GGT5: variants seen among roughly 807,000 people sequenced by gnomAD.
GGT5 encodes gamma-glutamyltransferase 5, also known as glutathione hydrolase 5 proenzyme.
A neutral mutation model predicts 58.1 loss-of-function variants in GGT5; 50 were observed. The ratio of observed to expected loss-of-function variants is 0.86; its 90% confidence interval spans 0.69 to 1.09. GGT5 has a LOEUF of 1.09. Among genes scored for constraint, GGT5 ranks in the 50% least tolerant of loss-of-function variants. The pLI is 0.00. For missense variants in GGT5, 800 were observed against 789.4 expected, an observed-to-expected ratio of 1.01 and a Z score of -0.16; for synonymous variants, 370 against 346.1, an observed-to-expected ratio of 1.07 and a Z score of -0.77.
In GGT5 at chr22:24,233,868, GC is replaced by G; in HGVS notation, c.304+5del. On this transcript the variant is annotated splice_donor_5th_base_variant and intron_variant, in intron 2 of 11. Coordinates refer to ENST00000327365, the MANE Select transcript of GGT5 (RefSeq NM_004121.5). ...CTTCCCCATGGCAGTTCACATGTGG[GC>G]CCACCTGTTGTCACATTGTAGATGG... 1 of 1,612,768 alleles carries G rather than the reference GC, an allele frequency of 6.2e-7. No homozygotes were observed.
At chr22:24,232,644 A>C (rs540420716) in intron 4 of GGT5, among the ~76,000 whole-genome samples, 179 bp downstream of exon 4, 4 of 152,180 alleles carry the variant, frequency 2.6e-5, no homozygotes, top group African/African-American at 9.6e-5. Flanking sequence ...GCCTAACCCC[A>C]AGTTAGGCTC....
At chr22:24,224,895 C>A in intron 11 of GGT5, 101 bp downstream of exon 11, 1 of 763,346 alleles carries the variant, frequency 1.3e-6, no homozygotes, top group Non-Finnish European at 2.2e-6. Context: ...TGTACCTGGC[C>A]TAAGAATCTC....
chr22:24,239,586 G>A (rs1184979638), intron 1 of GGT5, among the ~76,000 whole-genome samples: 4 of 151,786 alleles, frequency 2.6e-5, no homozygotes, highest in Admixed American at 1.3e-4. Flanking sequence ...ATGGATACTC[G>A]GGGCTTCATT....
chr22:24,226,364 A>T, intron 7 of GGT5, 98 bp from the exon 8 acceptor site: 2 of 951,170 alleles, frequency 2.1e-6, no homozygotes, highest in East Asian at 5.0e-5. Flanking sequence ...GGCCACCTCC[A>T]GTCTGTCCTC....
intron 6 of GGT5, among the ~76,000 whole-genome samples, chr22:24,229,170 A>G: frequency 2.0e-5 from 3 of 148,628 alleles, no homozygotes; most frequent in African/African-American, 7.5e-5. Flanking sequence ...TTGGGAGGCC[A>G]AGGCAGGCAG....
chr22:24,233,769 G>A, intron 2 of GGT5, 105 bp downstream of exon 2: 1 of 1,186,944 alleles, frequency 8.4e-7, no homozygotes, highest in Non-Finnish European at 1.2e-6. Context: ...GGGGGCCCAA[G>A]AACACCCAGA....
chr22:24,223,411 TA>T (rs1440671245), intron 11 of GGT5, among the ~76,000 whole-genome samples: 1 of 150,146 alleles, frequency 6.7e-6, no homozygotes, highest in South Asian at 2.1e-4. Context: ...AAAATAAAAA[TA>T]AAAAAAGAGT....
chr22:24,244,757 G>A lies in GGT5; in HGVS notation c.-32C>T, dbSNP rs749495329. On this transcript the variant is annotated 5_prime_UTR_variant, in exon 1 of 12. Coordinates refer to ENST00000327365, the MANE Select transcript of GGT5 (RefSeq NM_004121.5). ...GCAGCCCAGGAGGAGAGGGGCGGCT[G>A]GTGGGCAGACGGAGGGACGGATGGG... is the stretch of plus-strand genomic sequence containing the variant. 3.8e-6 allele frequency: 6 copies of A among 1,579,034 alleles called. No individual in the cohort carries two copies. In the East Asian group the frequency reaches 1.4e-4, roughly 36 times the overall value.
At chr22:24,231,101 C>T (rs983996660) in intron 6 of GGT5, among the ~76,000 whole-genome samples, 1 of 152,214 alleles carries the variant, frequency 6.6e-6, no homozygotes, top group East Asian at 1.9e-4. Context: ...CCACCTGCTT[C>T]TGTGTCTGGG....
chr22:24,221,048 C>T (rs1398260186), intron 11 of GGT5, among the ~76,000 whole-genome samples: 2 of 152,032 alleles, frequency 1.3e-5, no homozygotes, highest in African/African-American at 2.4e-5. Flanking sequence ...AGACTGAAAC[C>T]GCCTTTGCAA....
chr22:24,226,323 CCAAGGGCA>C, intron 7 of GGT5, 57 bp from the exon 8 acceptor site: 1 of 1,396,638 alleles, frequency 7.2e-7, no homozygotes, highest in Non-Finnish European at 9.9e-7. Context: ...ATCCGCAGAA[CCAAGGGCA>C]GGATGAGATC....
At chr22:24,226,418 T>G in intron 7 of GGT5, 152 bp from the exon 8 acceptor site, 1 of 762,026 alleles carries the variant, frequency 1.3e-6, no homozygotes, top group Non-Finnish European at 2.1e-6. Context: ...AGGTCTAGAC[T>G]CTGCTCACCC....
intron 1 of GGT5, among the ~76,000 whole-genome samples, chr22:24,236,762 C>CAA (rs35357003): frequency 0.027 from 3,612 of 133,574 alleles, 89 homozygotes; most frequent in African/African-American, 0.065. Flanking sequence ...GACTCCATCT[C>CAA]AAAAAAAAAA....
chr22:24,222,660 G>C (rs2047624905), intron 11 of GGT5, among the ~76,000 whole-genome samples: 1 of 152,138 alleles, frequency 6.6e-6, no homozygotes. Context: ...TAGGTTTGTG[G>C]GTCACTGGAT....
intron 6 of GGT5, among the ~76,000 whole-genome samples, chr22:24,229,561 G>A (rs1258510864): frequency 2.0e-5 from 3 of 152,006 alleles, no homozygotes; most frequent in Non-Finnish European, 2.9e-5. Flanking sequence ...ACCAGATGCG[G>A]TGGCTCATGC....
At chr22:24,239,232 G>A (rs554285022) in intron 1 of GGT5, among the ~76,000 whole-genome samples, 1 of 150,830 alleles carries the variant, frequency 6.6e-6, no homozygotes, top group Non-Finnish European at 1.5e-5. Context: ...CCAGCTACTC[G>A]GGAGGCTGAA....
intron 6 of GGT5, among the ~76,000 whole-genome samples, chr22:24,229,720 G>A (rs1275296079): frequency 6.6e-6 from 1 of 150,854 alleles, no homozygotes; most frequent in Non-Finnish European, 1.5e-5. Context: ...GCTTGGTAGC[G>A]TGCACCTGTA....
rs2048421657 is a variant in GGT5, at chr22:24,244,589, A to G, written c.137T>C (p.Val46Ala). 28 of 1,612,328 alleles carry G rather than the reference A, an allele frequency of 1.7e-5. No homozygotes were observed. Among genetic ancestry groups the G allele is most frequent in the Non-Finnish European group, 2.3e-5 (27 of 1,179,858 alleles). The change falls in exon 1 of 12, where the codon GTT becomes GCT. Residue 46 changes from valine to alanine, a missense_variant. Val to Ala is a moderately conservative substitution (Grantham distance 64, BLOSUM62 0). Coordinates refer to ENST00000327365, the MANE Select transcript of GGT5 (RefSeq NM_004121.5). ...CGAGCAGACCTTGGAGTCGGCGGCA[A>G]CAGCAGCGTGGGCAAAGGCCTGGGG... ...CGPQAFAHAA[V>A]AADSKVCSDI...
chr22:24,243,742 G>A (rs2048386463), intron 1 of GGT5: 1 of 152,350 alleles, frequency 6.6e-6, no homozygotes, highest in South Asian at 2.1e-4. Flanking sequence ...CTGGAAGAGG[G>A]TCAGGAAACA....
Sources: gnomAD v4.1 joint callset for allele counts (sites outside exome capture counted in the v4.1 genomes callset) on GRCh38, gnomAD v4.1.1 for gene constraint, MANE v1.5 for transcripts, NCBI Gene and HGNC (gene_info 2026-07-23, HGNC 2026-07-21) for gene names.